Variants in RGS7BP observed in about 807,000 individuals in gnomAD.
The protein encoded by RGS7BP is regulator of G protein signaling 7 binding protein, also known as regulator of G protein signaling 7-binding protein.
Under a neutral mutation model 31.3 loss-of-function variants are expected in RGS7BP, and 9 were observed. The observed-to-expected ratio is 0.29, with a 90% CI of 0.17 to 0.50. RGS7BP has a LOEUF of 0.50. RGS7BP is among the 20% of genes least tolerant of loss of function. The probability of loss-of-function intolerance (pLI) is 0.98; values close to 1 mark genes in which losing one functional copy is unlikely to be tolerated. For synonymous variants in RGS7BP, 115 were observed against 120.1 expected (o/e 0.96, Z 0.28); for missense variants, 274 against 322.0 (o/e 0.85, Z 1.14).
chr5:64,533,440 A>C (rs932563736), intron 2 of RGS7BP, among the ~76,000 whole-genome samples: 2 of 152,186 alleles, frequency 1.3e-5, no homozygotes, highest in African/African-American at 4.8e-5. Flanking sequence ...CGAGTTCTTA[A>C]GTTTTTCTGC....
chr5:64,526,250 T>G (rs1749227456), intron 2 of RGS7BP, among the ~76,000 whole-genome samples: 4 of 152,176 alleles, frequency 2.6e-5, no homozygotes. Context: ...TGTGTTTCAT[T>G]GTACAAATGT....
chr5:64,562,559 G>A (rs72754880), intron 2 of RGS7BP, among the ~76,000 whole-genome samples: 3,332 of 152,144 alleles, frequency 0.022, 55 homozygotes, highest in Non-Finnish European at 0.033. Flanking sequence ...CTAGAAGGTG[G>A]CCTTCATGTC....
chr5:64,559,777 C>A (rs1223754176), intron 2 of RGS7BP, among the ~76,000 whole-genome samples: 1 of 152,126 alleles, frequency 6.6e-6, no homozygotes, highest in Non-Finnish European at 1.5e-5. Context: ...CCAATAGTTA[C>A]ATTTTATTTT....
At chr5:64,516,541 T>C (rs1052831808) in intron 2 of RGS7BP, among the ~76,000 whole-genome samples, 1 of 152,218 alleles carries the variant, frequency 6.6e-6, no homozygotes, top group African/African-American at 2.4e-5. Flanking sequence ...GCTCCTCTGA[T>C]CTTGTCACTT....
intron 4 of RGS7BP, among the ~76,000 whole-genome samples, chr5:64,596,985 T>C (rs1743086784): frequency 2.0e-5 from 3 of 152,124 alleles, no homozygotes; most frequent in Non-Finnish European, 4.4e-5. Flanking sequence ...ATAGAATTTC[T>C]TCAACTTTAA....
chr5:64,528,052 G>T (rs1474227784), intron 2 of RGS7BP, among the ~76,000 whole-genome samples: 5 of 152,176 alleles, frequency 3.3e-5, no homozygotes, highest in Non-Finnish European at 5.9e-5. Context: ...TTATTACGAA[G>T]ATATATGCAA....
intron 2 of RGS7BP, among the ~76,000 whole-genome samples, chr5:64,527,052 C>T (rs1339491210): frequency 1.3e-5 from 2 of 152,184 alleles, no homozygotes; most frequent in African/African-American, 4.8e-5. Flanking sequence ...CCAAATACCC[C>T]ACGAAAATGG....
intron 2 of RGS7BP, among the ~76,000 whole-genome samples, chr5:64,568,973 G>A (rs906662647): frequency 2.0e-5 from 3 of 152,046 alleles, no homozygotes; most frequent in African/African-American, 4.8e-5. Context: ...GATGGTCACC[G>A]GAATATCGCT....
chr5:64,576,494 G>A (rs778787061), intron 3 of RGS7BP, among the ~76,000 whole-genome samples: 14 of 152,116 alleles, frequency 9.2e-5, no homozygotes, highest in African/African-American at 1.7e-4. Flanking sequence ...CTTTACCCTC[G>A]AGCTGGCTTC....
chr5:64,510,800 A>G (rs576565210), intron 2 of RGS7BP, among the ~76,000 whole-genome samples: 1 of 152,276 alleles, frequency 6.6e-6, no homozygotes, highest in African/African-American at 2.4e-5. Context: ...GCTTTTAATG[A>G]AGGGGTATGA....
intron 2 of RGS7BP, among the ~76,000 whole-genome samples, chr5:64,570,947 T>C (rs1056094368): frequency 6.6e-6 from 1 of 152,196 alleles, no homozygotes; most frequent in African/African-American, 2.4e-5. Context: ...TTTTGGGTTT[T>C]TTTTAAGTAA....
At position 64,506,218 on chromosome 5, in the gene RGS7BP, C is replaced by A; in HGVS notation, c.-407C>A. 6.2e-6 allele frequency: 1 copy of A among 161,322 alleles called. No individual in the cohort carries two copies. Among genetic ancestry groups the A allele is most frequent in the Non-Finnish European group, 1.3e-5 (1 of 74,332 alleles). 10.0% of individuals were successfully genotyped at this position (161,322 alleles called of 1,614,324 possible). On this transcript the variant is annotated 5_prime_UTR_variant, in exon 1 of 6. Transcript: ENST00000334025. This position sits in a 1 kb window ranked among gnomAD's most constrained non-coding sequence, Gnocchi z 4.6. ...GAGCGACACCCCTTTCCGCCCCCCA[C>A]CTTGCAGCGCAGGCTTTGAAAGCTG...
chr5:64,527,019 CA>C (rs1319564457), intron 2 of RGS7BP, among the ~76,000 whole-genome samples: 1 of 152,224 alleles, frequency 6.6e-6, no homozygotes, highest in African/African-American at 2.4e-5. Context: ...CCTGAATACA[CA>C]CTTGAAATTT....
chr5:64,532,494 T>C (rs1191561334), intron 2 of RGS7BP, among the ~76,000 whole-genome samples: 2 of 152,192 alleles, frequency 1.3e-5, no homozygotes, highest in Non-Finnish European at 2.9e-5. Flanking sequence ...ATAATAACCT[T>C]TTGTTTCTGG....
chr5:64,566,908 C>T (rs1306891455), intron 2 of RGS7BP, among the ~76,000 whole-genome samples: 1 of 151,800 alleles, frequency 6.6e-6, no homozygotes, highest in African/African-American at 2.4e-5. Flanking sequence ...GTTTGGGGGC[C>T]CTTATGGTCT....
chr5:64,520,863 G>T lies in RGS7BP; in HGVS notation c.332+12986G>T, dbSNP rs143355965. On this transcript the variant is annotated intron_variant, in intron 2 of 5. Coordinates refer to ENST00000334025, the MANE Select transcript of RGS7BP (RefSeq NM_001029875.3). Reference sequence around the variant, plus strand: ...GACAGCCTCCCCCTGGGGTGACAGGGACACTCCTAAGGAAGTAACATTGAG... The same window carrying T: ...GACAGCCTCCCCCTGGGGTGACAGGTACACTCCTAAGGAAGTAACATTGAG... Among the ~76,000 whole-genome samples, 274 of 152,316 alleles carry T rather than the reference G, an allele frequency of 1.8e-3. 1 individual carries two copies. The highest frequency in any genetic ancestry group is 6.5e-3 in the African/African-American group (269 of 41,580).
At chr5:64,586,102 GAA>G (rs1280358606) in intron 3 of RGS7BP, among the ~76,000 whole-genome samples, 1 of 152,166 alleles carries the variant, frequency 6.6e-6, no homozygotes, top group African/African-American at 2.4e-5. Flanking sequence ...TCTTTTCCAA[GAA>G]GAAGGCAAGG....
At chr5:64,537,608 G>A (rs1308032901) in intron 2 of RGS7BP, among the ~76,000 whole-genome samples, 1 of 152,110 alleles carries the variant, frequency 6.6e-6, no homozygotes, top group Non-Finnish European at 1.5e-5. Flanking sequence ...GTATTCAAGA[G>A]AAAGAGCCTA....
chr5:64,516,361 A>G (rs1300268486), intron 2 of RGS7BP, among the ~76,000 whole-genome samples: 2 of 152,006 alleles, frequency 1.3e-5, no homozygotes, highest in Non-Finnish European at 2.9e-5. Flanking sequence ...TTCAGTGTCT[A>G]TTGTGTCCCT....
Sources: gnomAD v4.1 joint callset for allele counts (sites outside exome capture counted in the v4.1 genomes callset) on GRCh38, gnomAD v4.1.1 for gene constraint, Gnocchi (gnomAD v3.1) non-coding constraint, MANE v1.5 for transcripts, NCBI Gene and HGNC (gene_info 2026-07-23, HGNC 2026-07-21) for gene names.